Variants in ATXN1 observed in about 807,000 individuals in gnomAD.
ATXN1 encodes the protein ataxin-1.
ATXN1 carries 8 observed loss-of-function variants against 56.4 expected under a neutral mutation model. That is an observed-to-expected ratio of 0.14 (90% confidence interval 0.08 to 0.26). ATXN1 has a LOEUF of 0.26. Ranked by LOEUF, ATXN1 falls within the 10% of genes least tolerant of loss-of-function variation. The pLI is 1.00. For missense variants in ATXN1, 987 were observed against 1,106.5 expected, an observed-to-expected ratio of 0.89 and a Z score of 1.53; for synonymous variants, 514 against 494.6, an observed-to-expected ratio of 1.04 and a Z score of -0.52.
intron 3 of ATXN1, among the ~76,000 whole-genome samples, chr6:16,591,423 CA>C (rs1383494033): frequency 1.3e-5 from 2 of 152,112 alleles, no homozygotes; most frequent in African/African-American, 2.4e-5. Flanking sequence ...TTAATTTGAT[CA>C]TTTTTATTTA....
In ATXN1 at chr6:16,392,278, G is replaced by A. The variant is rs187838398; in HGVS notation, c.-160-63808C>T. Among the ~76,000 whole-genome samples the A allele has an allele frequency of 2.8e-4, 43 of 152,278 alleles. 1 individual carries two copies. Among genetic ancestry groups the A allele is most frequent in the African/African-American group, 8.9e-4 (37 of 41,558 alleles). ...GGGAGGGCTGCCAAGCACAAAGACAGAACTTGGCTTCCCCAGCTGATACCC... is the reference window on the plus strand; with the variant it reads ...GGGAGGGCTGCCAAGCACAAAGACAAAACTTGGCTTCCCCAGCTGATACCC... On this transcript the variant is annotated intron_variant, in intron 6 of 7. Transcript: ENST00000436367.
intron 2 of ATXN1, among the ~76,000 whole-genome samples, chr6:16,722,485 CA>C (rs1759764349): frequency 6.6e-6 from 1 of 152,124 alleles, no homozygotes; most frequent in Non-Finnish European, 1.5e-5. Flanking sequence ...AGTCTAATTA[CA>C]AAAAAGTATC....
chr6:16,749,194 T>C (rs1038422168), intron 2 of ATXN1, among the ~76,000 whole-genome samples: 2 of 152,218 alleles, frequency 1.3e-5, no homozygotes, highest in Non-Finnish European at 2.9e-5. Context: ...TAATGTGGTT[T>C]ATCAAAGTAC....
rs1485384036 is a variant in ATXN1 at position 16,573,690 on chromosome 6, C to T, written c.-361+12090G>A. 2.6e-5 allele frequency among the ~76,000 whole-genome samples: 4 copies of T among 152,212 alleles called. No homozygotes were observed. In the East Asian group the frequency reaches 7.7e-4, roughly 29 times the overall value. On this transcript the variant is annotated intron_variant, in intron 4 of 7. Coordinates refer to ENST00000436367, the MANE Select transcript of ATXN1 (RefSeq NM_001128164.2). Reference sequence around the variant, plus strand: ...CACAGCTGTCAAATTCTCTTTCATACCAATCTCCAGCAATGCACATATAAC... The same window carrying T: ...CACAGCTGTCAAATTCTCTTTCATATCAATCTCCAGCAATGCACATATAAC...
At chr6:16,397,524 A>C (rs988080993) in intron 6 of ATXN1, among the ~76,000 whole-genome samples, 1 of 152,188 alleles carries the variant, frequency 6.6e-6, no homozygotes, top group Non-Finnish European at 1.5e-5. Context: ...TCAGCCTCTC[A>C]AAGTGCCACT....
rs910951906 is a variant in ATXN1, at chr6:16,760,441, G to A, written c.-730+857C>T. ...CGGCGGCTGCCGCTGCACATGATCA[G>A]GAAGCGGCCGCACCAACAGGGCGGC... On this transcript the variant is annotated intron_variant, in intron 1 of 7. Coordinates refer to ENST00000436367, the MANE Select transcript of ATXN1 (RefSeq NM_001128164.2). This position sits in a 1 kb window ranked among gnomAD's most constrained non-coding sequence, Gnocchi z 5.3. Among the ~76,000 whole-genome samples, 1 of 151,172 alleles carries A rather than the reference G, an allele frequency of 6.6e-6. No homozygotes were observed. The highest frequency in any genetic ancestry group is 1.5e-5 in the Non-Finnish European group (1 of 67,720).
intron 6 of ATXN1, among the ~76,000 whole-genome samples, chr6:16,369,492 G>A (rs961513680): frequency 1.3e-5 from 2 of 152,204 alleles, no homozygotes; most frequent in Non-Finnish European, 2.9e-5. Context: ...ATGAGCAGCA[G>A]AATCACAGTC....
At chr6:16,637,142 T>A in intron 3 of ATXN1, among the ~76,000 whole-genome samples, 1 of 152,146 alleles carries the variant, frequency 6.6e-6, no homozygotes, top group East Asian at 1.9e-4. Context: ...GTGGCACATA[T>A]ACACCATGGA....
At chr6:16,522,410 G>A (rs565994656) in intron 5 of ATXN1, among the ~76,000 whole-genome samples, 31 of 152,092 alleles carry the variant, frequency 2.0e-4, no homozygotes, top group African/African-American at 6.0e-4. Flanking sequence ...GCATGTGAAC[G>A]GCAAAAAAGA....
intron 3 of ATXN1, among the ~76,000 whole-genome samples, chr6:16,601,733 G>C (rs1762916142): frequency 6.6e-6 from 1 of 152,096 alleles, no homozygotes; most frequent in African/African-American, 2.4e-5. Context: ...GGCACCTGTA[G>C]TCCCAGCTAC....
intron 2 of ATXN1, among the ~76,000 whole-genome samples, chr6:16,698,650 TAAAAA>T (rs11311429): frequency 6.1e-4 from 83 of 135,370 alleles, no homozygotes; most frequent in African/African-American, 1.7e-3. Context: ...CCTCAAAAAT[TAAAAA>T]AAAAAAAAAA....
chr6:16,327,672 C>CTGCTGA lies in ATXN1; in HGVS notation c.633_638dup (p.His211_Gln212dup), dbSNP rs749872352. On this transcript the variant is annotated inframe_insertion, in exon 7 of 8. Coordinates refer to ENST00000436367, the MANE Select transcript of ATXN1 (RefSeq NM_001128164.2). ...GCTGCTGCTGCTGCTGCTGCTGCTG[C>CTGCTGA]TGCTGATGCTGATGCTGCTGCTGCT... The CTGCTGA allele has an allele frequency of 2.0e-4, 281 of 1,404,764 alleles. No homozygotes were observed. The highest frequency in any genetic ancestry group is 1.7e-3 in the East Asian group (57 of 34,506). The allele number at this position is 1,404,764 out of a possible 1,614,324, so 87.0% of individuals were successfully genotyped here. A position where few individuals can be genotyped will look rare whatever the true frequency, so the allele number is the denominator to read the frequency against.
chr6:16,629,686 T>G (rs926741395), intron 3 of ATXN1, among the ~76,000 whole-genome samples: 3 of 151,978 alleles, frequency 2.0e-5, no homozygotes, highest in East Asian at 1.9e-4. Flanking sequence ...GAGGCTGAAG[T>G]GGGTGGATCC....
At chr6:16,557,089 C>T (rs1240192087) in intron 4 of ATXN1, among the ~76,000 whole-genome samples, 2 of 152,020 alleles carry the variant, frequency 1.3e-5, no homozygotes, top group East Asian at 3.9e-4. Context: ...TTTGGGAGGG[C>T]GAGGTGGGCA....
chr6:16,361,946 TG>T (rs1761816836), intron 6 of ATXN1, among the ~76,000 whole-genome samples: 1 of 152,246 alleles, frequency 6.6e-6, no homozygotes, highest in Non-Finnish European at 1.5e-5. Context: ...TGTGATTATC[TG>T]GTGAAATTGG....
chr6:16,582,621 C>A (rs976913431), intron 4 of ATXN1, among the ~76,000 whole-genome samples: 4 of 152,142 alleles, frequency 2.6e-5, no homozygotes, highest in African/African-American at 9.7e-5. Flanking sequence ...GTGTGGGCAA[C>A]CATGTGCAGT....
chr6:16,485,513 A>C (rs1760526757), intron 6 of ATXN1: 1 of 152,192 alleles, frequency 6.6e-6, no homozygotes, highest in Admixed American at 6.5e-5. Flanking sequence ...AGAGAGAAAA[A>C]TGTCATTTTC....
At chr6:16,420,535 G>T (rs986253230) in intron 6 of ATXN1, among the ~76,000 whole-genome samples, 3 of 152,180 alleles carry the variant, frequency 2.0e-5, no homozygotes, top group Non-Finnish European at 4.4e-5. Context: ...CCTGCATAGA[G>T]GCAGATGTAT....
chr6:16,688,261 AG>A (rs1413203349), intron 2 of ATXN1, among the ~76,000 whole-genome samples: 1 of 152,258 alleles, frequency 6.6e-6, no homozygotes, highest in East Asian at 1.9e-4. Flanking sequence ...CAAACAAAAA[AG>A]GACTAATGCG....
Sources: allele counts gnomAD v4.1 joint callset (sites outside exome capture counted in the v4.1 genomes callset), GRCh38; gene constraint gnomAD v4.1.1; non-coding constraint Gnocchi (gnomAD v3.1); transcripts MANE v1.5; gene names NCBI Gene and HGNC (gene_info 2026-07-23, HGNC 2026-07-21).